PDE4D: variants seen among roughly 807,000 people sequenced by gnomAD.
PDE4D encodes phosphodiesterase 4D.
Under a neutral mutation model 87.4 loss-of-function variants are expected in PDE4D, and 24 were observed. The ratio of observed to expected loss-of-function variants is 0.27; its 90% CI spans 0.20 to 0.39. The LOEUF (loss-of-function observed/expected upper bound fraction) is 0.39. PDE4D is among the 10% of genes least tolerant of loss of function. PDE4D has a pLI of 1.00. For missense variants in PDE4D, 714 were observed against 1,041.0 expected, an observed-to-expected ratio of 0.69 and a Z score of 4.32; for synonymous variants, 384 against 383.2, an observed-to-expected ratio of 1.00 and a Z score of -0.02.
At chr5:59,255,827 C>A (rs530659397) in intron 1 of PDE4D, among the ~76,000 whole-genome samples, 1 of 152,146 alleles carries the variant, frequency 6.6e-6, no homozygotes, top group Admixed American at 6.6e-5. Context: ...TGCATATCTT[C>A]TTTTCAAAGT....
intron 3 of PDE4D, among the ~76,000 whole-genome samples, chr5:59,940,970 T>C (rs781742275): frequency 2.0e-5 from 3 of 152,172 alleles, no homozygotes; most frequent in Non-Finnish European, 2.9e-5. Flanking sequence ...ATGGGTTATA[T>C]TTTTTGTTTC....
chr5:59,121,586 A>C (rs1229838801), intron 5 of PDE4D, among the ~76,000 whole-genome samples: 1 of 152,178 alleles, frequency 6.6e-6, no homozygotes, highest in Admixed American at 6.5e-5. Context: ...GCTAGGATGC[A>C]GAGAAAAGGG....
chr5:59,264,587 TC>T (rs1762550639), intron 1 of PDE4D, among the ~76,000 whole-genome samples: 1 of 152,014 alleles, frequency 6.6e-6, no homozygotes, highest in South Asian at 2.1e-4. Context: ...TTGGGCTATC[TC>T]TTTTTAAAGC....
At chr5:59,259,450 A>C (rs947613976) in intron 1 of PDE4D, among the ~76,000 whole-genome samples, 1 of 151,920 alleles carries the variant, frequency 6.6e-6, no homozygotes, top group African/African-American at 2.4e-5. Context: ...AATACTTTGA[A>C]TGAAGTTAAG....
At chr5:59,738,732 C>G (rs982919644) in intron 1 of PDE4D, among the ~76,000 whole-genome samples, 3 of 151,452 alleles carry the variant, frequency 2.0e-5, no homozygotes, top group African/African-American at 4.8e-5. Context: ...TTTCTATACT[C>G]TAGAGTATAT....
At chr5:60,417,219 G>A (rs903277860) in intron 1 of PDE4D, among the ~76,000 whole-genome samples, 2 of 152,208 alleles carry the variant, frequency 1.3e-5, no homozygotes, top group South Asian at 4.1e-4. Flanking sequence ...TCTCCCCACA[G>A]ATTTATCTTG....
At chr5:59,751,430 A>G (rs1378153851) in intron 1 of PDE4D, among the ~76,000 whole-genome samples, 1 of 152,190 alleles carries the variant, frequency 6.6e-6, no homozygotes, top group Non-Finnish European at 1.5e-5. Flanking sequence ...TCAAAGTCCA[A>G]CTATTGAAAG....
chr5:60,390,204 G>A (rs1762470810), intron 1 of PDE4D, among the ~76,000 whole-genome samples: 1 of 152,172 alleles, frequency 6.6e-6, no homozygotes, highest in South Asian at 2.1e-4. Flanking sequence ...GCTCTGTGCA[G>A]CCTGCTTGTT....
intron 1 of PDE4D, among the ~76,000 whole-genome samples, chr5:59,695,575 A>G (rs1301361987): frequency 1.3e-5 from 2 of 152,134 alleles, no homozygotes; most frequent in South Asian, 2.1e-4. Flanking sequence ...GACTGGTGAC[A>G]TATTCAAAAA....
At chr5:59,696,314 A>C (rs1415708821) in intron 1 of PDE4D, among the ~76,000 whole-genome samples, 1 of 152,210 alleles carries the variant, frequency 6.6e-6, no homozygotes, top group Non-Finnish European at 1.5e-5. Context: ...TCATAATTTC[A>C]TTTAATAAAT....
At chr5:59,795,269 G>A (rs1766328859) in intron 1 of PDE4D, among the ~76,000 whole-genome samples, 1 of 152,174 alleles carries the variant, frequency 6.6e-6, no homozygotes, top group Non-Finnish European at 1.5e-5. Context: ...TCATGTAAGA[G>A]GCTCTATATG....
intron 1 of PDE4D, among the ~76,000 whole-genome samples, chr5:59,694,904 C>T (rs1195129258): frequency 6.6e-6 from 1 of 152,146 alleles, no homozygotes; most frequent in Non-Finnish European, 1.5e-5. Flanking sequence ...ATAACTTTTG[C>T]TGAAGGATGT....
chr5:59,241,886 A>C (rs1168406906), intron 1 of PDE4D, among the ~76,000 whole-genome samples: 1 of 152,216 alleles, frequency 6.6e-6, no homozygotes, highest in Non-Finnish European at 1.5e-5. Context: ...AGGAGGAAAT[A>C]GCCACAAATT....
chr5:60,499,515 T>C (rs1365353897), intron 1 of PDE4D, among the ~76,000 whole-genome samples: 2 of 152,136 alleles, frequency 1.3e-5, no homozygotes, highest in Non-Finnish European at 2.9e-5. Context: ...GCTTTCTCCT[T>C]GGGTTGGGGG....
chr5:59,533,182 T>C (rs1467790021), intron 1 of PDE4D, among the ~76,000 whole-genome samples: 1 of 152,246 alleles, frequency 6.6e-6, no homozygotes, highest in Non-Finnish European at 1.5e-5. Context: ...ATTATTTTGC[T>C]GATCTTTCAA....
Position 59,658,385 on chromosome 5 carries a change from AT to A in PDE4D, c.455+234782del, listed in dbSNP as rs1326490516. On this transcript the variant is annotated intron_variant, in intron 1 of 14. Transcript: ENST00000340635. Reference sequence around the variant, plus strand: ...CTAAGAACCCAAAATGGAGAGCCAGATTTTTTTTTTTTTTGAGACGGAGTCT... The same window carrying A: ...CTAAGAACCCAAAATGGAGAGCCAGATTTTTTTTTTTTTGAGACGGAGTCT... Among the ~76,000 whole-genome samples, 663 of 145,698 alleles carry A rather than the reference AT, an allele frequency of 4.6e-3. 3 individuals carry two copies. Among genetic ancestry groups the A allele is most frequent in the African/African-American group, 0.012 (464 of 40,166 alleles).
intron 1 of PDE4D, among the ~76,000 whole-genome samples, chr5:59,842,910 A>G (rs1039550100): frequency 6.6e-6 from 1 of 152,036 alleles, no homozygotes; most frequent in African/African-American, 2.4e-5. Context: ...CTTCTCATCT[A>G]TATTCATAAA....
chr5:59,913,504 T>C (rs1233717291), intron 3 of PDE4D, among the ~76,000 whole-genome samples: 1 of 152,192 alleles, frequency 6.6e-6, no homozygotes, highest in East Asian at 1.9e-4. Flanking sequence ...TTAATACATA[T>C]AAATTAAAGC....
chr5:59,103,938 C>G (rs1179941408), intron 5 of PDE4D, among the ~76,000 whole-genome samples: 1 of 152,186 alleles, frequency 6.6e-6, no homozygotes, highest in Non-Finnish European at 1.5e-5. Flanking sequence ...AAATGTAAAA[C>G]TATCCCACAG....
Sources: gnomAD v4.1 joint callset for allele counts (sites outside exome capture counted in the v4.1 genomes callset) on GRCh38, gnomAD v4.1.1 for gene constraint, MANE v1.5 for transcripts, NCBI Gene and HGNC (gene_info 2026-07-23, HGNC 2026-07-21) for gene names.